The following SNCAIP variants were observed in gnomAD, a reference collection of about 807,000 sequenced individuals.
SNCAIP encodes the protein synuclein alpha interacting protein, also known as synphilin-1.
Under a neutral mutation model 86.7 loss-of-function variants are expected in SNCAIP, and 43 were observed. The observed-to-expected ratio is 0.50, with a 90% CI of 0.39 to 0.64. The LOEUF (loss-of-function observed/expected upper bound fraction) is 0.64. Among genes scored for constraint, SNCAIP ranks in the 30% least tolerant of loss-of-function variants. The pLI, the probability that SNCAIP is intolerant of heterozygous loss-of-function variation, is 0.00. For missense variants in SNCAIP, 981 were observed against 1,103.1 expected (o/e 0.89, Z 1.57); for synonymous variants, 417 against 427.2 (o/e 0.98, Z 0.29).
intron 10 of SNCAIP, chr5:122,451,894 C>T (rs1783770035): frequency 3.0e-6 from 1 of 328,274 alleles, no homozygotes; most frequent in South Asian, 4.3e-5. Context: ...GTGTTAGGGT[C>T]CTAGACTTGG....
chr5:122,434,187 A>G (rs1185699641), intron 6 of SNCAIP, among the ~76,000 whole-genome samples: 2 of 152,180 alleles, frequency 1.3e-5, no homozygotes, highest in African/African-American at 4.8e-5. Flanking sequence ...TAGTTATTTC[A>G]TGTCTCCGAT....
At chr5:122,461,543 T>C (rs1350864144) in intron 10 of SNCAIP, among the ~76,000 whole-genome samples, 2 of 152,166 alleles carry the variant, frequency 1.3e-5, no homozygotes, top group African/African-American at 4.8e-5. Context: ...TTTTCTAGTT[T>C]GAATCTCTAA....
chr5:122,440,590 A>G (rs1561776699), intron 6 of SNCAIP, 39 bp from the exon 7 acceptor site: 2 of 1,601,104 alleles, frequency 1.2e-6, no homozygotes. Flanking sequence ...ACTTCTCTGC[A>G]AGATATTACA....
chr5:122,381,557 G>A (rs911306389), intron 1 of SNCAIP, among the ~76,000 whole-genome samples: 1 of 145,128 alleles, frequency 6.9e-6, no homozygotes, highest in African/African-American at 2.5e-5. Context: ...AGTTAATATT[G>A]TTATGTGTGA....
At chr5:122,343,319 T>C (rs1433022287) in intron 1 of SNCAIP, among the ~76,000 whole-genome samples, 2 of 152,236 alleles carry the variant, frequency 1.3e-5, no homozygotes, top group African/African-American at 2.4e-5. Context: ...TAGTCGTTAC[T>C]GCCTGAAATC....
intron 1 of SNCAIP, chr5:122,370,112 G>A (rs1201763690): frequency 1.3e-5 from 2 of 151,984 alleles, no homozygotes; most frequent in African/African-American, 4.8e-5. Context: ...TTGAGTTGAT[G>A]GATATCCCAG....
chr5:122,348,479 G>A (rs908299648), intron 1 of SNCAIP, among the ~76,000 whole-genome samples: 14 of 152,066 alleles, frequency 9.2e-5, no homozygotes, highest in Non-Finnish European at 1.8e-4. Flanking sequence ...TATAAAAGTA[G>A]TCTTCTAAAA....
At chr5:122,359,014 A>G (rs1373664840) in intron 1 of SNCAIP, among the ~76,000 whole-genome samples, 3 of 148,508 alleles carry the variant, frequency 2.0e-5, no homozygotes, top group East Asian at 2.0e-4. Context: ...GGTTTCTTAA[A>G]TCTAATGTTT....
chr5:122,450,609 A>T lies in SNCAIP; in HGVS notation c.1762A>T (p.Lys588Ter). 6.2e-7 allele frequency: 1 copy of T among 1,614,140 alleles called. No homozygotes were observed. Residue 588 changes from lysine (K) to a stop codon, truncating the protein, a stop_gained, in exon 10 of 11, where the codon AAG becomes TAG. Coordinates refer to ENST00000261368, the MANE Select transcript of SNCAIP (RefSeq NM_005460.4). LOFTEE classifies it high-confidence loss of function. The stretch of plus-strand genomic sequence containing the variant: ...AGATGATGATTCTGTAGCCAAAAGC[A>T]AGCCAGGAGTCCAAGAGGGGATTCA... ...DADDDSVAKS[K>*]PGVQEGIQVL...
intron 1 of SNCAIP, among the ~76,000 whole-genome samples, chr5:122,329,927 C>T (rs1413880095): frequency 6.6e-6 from 1 of 151,876 alleles, no homozygotes; most frequent in Admixed American, 6.6e-5. Context: ...GATTAGAGCA[C>T]CTGATTTGAA....
chr5:122,359,349 T>TTTTGTTATTTATTTA (rs372903978), intron 1 of SNCAIP, among the ~76,000 whole-genome samples: 1 of 142,182 alleles, frequency 7.0e-6, no homozygotes, highest in African/African-American at 2.6e-5. Flanking sequence ...AGATTTTTAT[T>TTTTGTTATTTATTTA]TTTATTTATT....
intron 1 of SNCAIP, among the ~76,000 whole-genome samples, chr5:122,346,925 G>A (rs140341821): frequency 8.0e-4 from 122 of 152,006 alleles, no homozygotes; most frequent in African/African-American, 2.9e-3. Context: ...TTCTAAGAGA[G>A]ATTAATGATA....
At chr5:122,444,303 A>G (rs540873928) in intron 7 of SNCAIP, 2 of 542,682 alleles carry the variant, frequency 3.7e-6, no homozygotes, top group Admixed American at 2.3e-5. Context: ...ACTGCACTGC[A>G]TATCTCATAA....
chr5:122,363,248 G>A (rs910928329), intron 1 of SNCAIP, among the ~76,000 whole-genome samples: 5 of 151,982 alleles, frequency 3.3e-5, no homozygotes, highest in East Asian at 1.9e-4. Context: ...TGCCTGCCTC[G>A]GTCTCCCAAA....
rs143440334 is a variant in SNCAIP at position 122,449,858 on chromosome 5, C to T, written c.1606C>T (p.Arg536Cys). The T allele has an allele frequency of 2.7e-5, 44 of 1,613,420 alleles. 1 individual carries two copies. Among genetic ancestry groups the T allele is most frequent in the Middle Eastern group, 1.7e-4 (1 of 6,058 alleles). The part of the protein sequence containing the change: ...TKQLKEQTVE[R>C]VTLQNQLQQF... ...TGTTTTCCCCAGACAAACAGTAGAACGTGTCACGCTGCAGAACCAACTCCA... is the reference window on the plus strand; with the variant it reads ...TGTTTTCCCCAGACAAACAGTAGAATGTGTCACGCTGCAGAACCAACTCCA... Residue 536 changes from arginine to cysteine, a missense_variant, in exon 9 of 11, where the codon CGT (arginine) becomes TGT (cysteine). By Grantham distance (180) the Arg-to-Cys change is radical. Transcript: ENST00000261368.
intron 7 of SNCAIP, 173 bp downstream of exon 7, chr5:122,440,927 A>T: frequency 1.5e-6 from 1 of 661,426 alleles, no homozygotes. Flanking sequence ...AAATGTAGGT[A>T]GGCATAAATA....
intron 3 of SNCAIP, among the ~76,000 whole-genome samples, chr5:122,409,817 TG>T (rs1330611858): frequency 6.6e-6 from 1 of 152,224 alleles, no homozygotes; most frequent in African/African-American, 2.4e-5. Flanking sequence ...ACATAGTTGG[TG>T]ATGCTAAATA....
rs1770062423 is a variant in SNCAIP, at chr5:122,394,099, T to A, written c.57+2908T>A. Among the ~76,000 whole-genome samples, 4 of 152,258 alleles carry A rather than the reference T, an allele frequency of 2.6e-5. No individual in the cohort carries two copies. The South Asian group carries it at 6.2e-4, about 24-fold the overall frequency. ...GAACATGCAATTTTCTTTTTTTTTT[T>A]TGATACCAGAAACCTCCATCTCTGA... On this transcript the variant is annotated intron_variant, in intron 2 of 10. Coordinates refer to ENST00000261368, the MANE Select transcript of SNCAIP (RefSeq NM_005460.4).
intron 7 of SNCAIP, among the ~76,000 whole-genome samples, chr5:122,442,811 TC>T (rs1265951402): frequency 1.3e-5 from 2 of 152,096 alleles, no homozygotes; most frequent in Admixed American, 1.3e-4. Flanking sequence ...CGTTCATCAC[TC>T]CACTTACACA....
Sources: gnomAD v4.1 joint callset for allele counts (sites outside exome capture counted in the v4.1 genomes callset) on GRCh38, gnomAD v4.1.1 for gene constraint, MANE v1.5 for transcripts, NCBI Gene and HGNC (gene_info 2026-07-23, HGNC 2026-07-21) for gene names.